Variants in ATCAY observed in about 807,000 individuals in gnomAD.
ATCAY encodes ATCAY kinesin light chain interacting caytaxin, also known as caytaxin.
In ATCAY, 22 loss-of-function variants were observed where a neutral mutation model predicts 47.7. The observed-to-expected ratio is 0.46, with a 90% CI of 0.33 to 0.66. The LOEUF (loss-of-function observed/expected upper bound fraction) is 0.66, where lower values mean the gene tolerates loss of function less well. ATCAY is among the 30% of genes least tolerant of loss of function. ATCAY has a pLI of 0.02. For synonymous variants in ATCAY, 216 were observed against 207.6 expected (o/e 1.04, Z -0.35); for missense variants, 452 against 515.0 (o/e 0.88, Z 1.18).
intron 9 of ATCAY, among the ~76,000 whole-genome samples, chr19:3,914,420 C>T (rs2038949791): frequency 6.6e-6 from 1 of 151,852 alleles, no homozygotes; most frequent in South Asian, 2.1e-4. Context: ...GCGAGAATAG[C>T]ACAGGAAAGA....
intron 8 of ATCAY, among the ~76,000 whole-genome samples, chr19:3,912,619 C>T (rs2038933263): frequency 6.6e-6 from 1 of 152,050 alleles, no homozygotes; most frequent in South Asian, 2.1e-4. Context: ...GTGACCCAGG[C>T]TTGTAATCCC....
intron 2 of ATCAY, among the ~76,000 whole-genome samples, chr19:3,886,083 T>A (rs1462604656): frequency 2.6e-5 from 4 of 152,170 alleles, no homozygotes; most frequent in Non-Finnish European, 5.9e-5. Context: ...TGCTCAATGA[T>A]TTAAGATTCA....
chr19:3,923,329 A>G (rs1025204610), intron 12 of ATCAY, among the ~76,000 whole-genome samples: 2 of 152,234 alleles, frequency 1.3e-5, no homozygotes, highest in African/African-American at 4.8e-5. Context: ...TCTTGCCTGG[A>G]GATCCTTAGG....
rs369421443 is a variant in ATCAY at position 3,902,483 on chromosome 19, G to A, written c.78-4G>A. The A allele has an allele frequency of 2.0e-5, 32 of 1,570,162 alleles. No homozygotes were observed. Among genetic ancestry groups the A allele is most frequent in the Middle Eastern group, 3.3e-4 (2 of 5,990 alleles). ...CTGATGCCTGTTCCTGGATGGGTCC[G>A]CAGGCCACTCCCAGAAGAGACGGGG... On this transcript the variant is annotated splice_polypyrimidine_tract_variant and splice_region_variant and intron_variant, in intron 2 of 12. Coordinates refer to ENST00000450849, the MANE Select transcript of ATCAY (RefSeq NM_033064.5).
intron 9 of ATCAY, among the ~76,000 whole-genome samples, chr19:3,915,555 CTTT>C (rs1264823704): frequency 2.4e-5 from 3 of 126,220 alleles, no homozygotes; most frequent in African/African-American, 5.8e-5. Flanking sequence ...CCAGACCTTT[CTTT>C]TTTTTTTTTT....
intron 8 of ATCAY, among the ~76,000 whole-genome samples, chr19:3,913,143 C>T (rs961764518): frequency 1.1e-4 from 17 of 151,894 alleles, no homozygotes; most frequent in African/African-American, 2.4e-4. Flanking sequence ...CAAAATTAGC[C>T]GAGAGTGGTG....
At chr19:3,903,325 C>T (rs2038830986) in intron 3 of ATCAY, among the ~76,000 whole-genome samples, 1 of 151,914 alleles carries the variant, frequency 6.6e-6, no homozygotes, top group Non-Finnish European at 1.5e-5. Flanking sequence ...GCTCTGAAGC[C>T]CCAGATCCCG....
intron 8 of ATCAY, 34 bp downstream of exon 8, chr19:3,910,923 G>A (rs2038917017): frequency 6.2e-7 from 1 of 1,607,152 alleles, no homozygotes; most frequent in African/African-American, 1.3e-5. Flanking sequence ...AAGTCCAGTG[G>A]CCTCAGTGTG....
chr19:3,917,353 G>C (rs917719965), intron 9 of ATCAY, among the ~76,000 whole-genome samples: 1 of 151,908 alleles, frequency 6.6e-6, no homozygotes, highest in African/African-American at 2.4e-5. Context: ...GGGAGGCCGA[G>C]GTGGGTGGAT....
At chr19:3,887,690 G>T (rs931851004) in intron 2 of ATCAY, among the ~76,000 whole-genome samples, 6 of 150,172 alleles carry the variant, frequency 4.0e-5, no homozygotes, top group South Asian at 2.1e-4. Flanking sequence ...GTTTCACCAT[G>T]TTAGCCAGGA....
At chr19:3,891,958 C>T (rs1215331059) in intron 2 of ATCAY, among the ~76,000 whole-genome samples, 1 of 152,020 alleles carries the variant, frequency 6.6e-6, no homozygotes, top group African/African-American at 2.4e-5. Context: ...GACGTGACCT[C>T]GGCTCGCTGC....
intron 12 of ATCAY, among the ~76,000 whole-genome samples, chr19:3,922,938 G>C (rs1417617789): frequency 6.6e-6 from 1 of 152,052 alleles, no homozygotes; most frequent in Non-Finnish European, 1.5e-5. Flanking sequence ...GTAGAGACGG[G>C]GTTTCACCAT....
chr19:3,906,180 A>AC (rs2038858916), intron 4 of ATCAY, among the ~76,000 whole-genome samples: 1 of 144,520 alleles, frequency 6.9e-6, no homozygotes, highest in African/African-American at 2.4e-5. Flanking sequence ...CAAAAAAAAA[A>AC]AAAAAGAGAG....
At position 3,882,162 on chromosome 19, in the gene ATCAY, G is replaced by T. The variant is rs137920025; in HGVS notation, c.-42+1154G>T. On this transcript the variant is annotated intron_variant, in intron 1 of 12. Coordinates refer to ENST00000450849, the MANE Select transcript of ATCAY (RefSeq NM_033064.5). ...TACTCCACAGAGAGGCAGCCTGGAT[G>T]CCATGAGAGTTGGGGGCCTTAGATG... 7.8e-3 allele frequency among the ~76,000 whole-genome samples: 1,184 copies of T among 152,152 alleles called. 14 individuals carry two copies. The highest frequency in any genetic ancestry group is 0.032 in the East Asian group (163 of 5,166).
intron 2 of ATCAY, among the ~76,000 whole-genome samples, chr19:3,894,908 T>C (rs1433978317): frequency 7.5e-6 from 1 of 132,460 alleles, no homozygotes; most frequent in Non-Finnish European, 1.5e-5. Flanking sequence ...ATGATTTCAC[T>C]ACTGTGCTCT....
Position 3,910,889 on chromosome 19 carries a change from G to A in ATCAY, c.866G>A (p.Ser289Asn). ...CTGGCCATCTCTCGCCCTTTCATCA[G>A]GTGAGACGGGGAGGCTGCAACCCAA... ...TVLAISRPFI[S>N]VKFINKIQYV... Residue 289 changes from serine (S) to asparagine (N), a missense_variant and splice_region_variant, in exon 8 of 13, where the codon AGC (serine) becomes AAC (asparagine). Coordinates refer to ENST00000450849, the MANE Select transcript of ATCAY (RefSeq NM_033064.5). 1 of 1,613,992 alleles carries A rather than the reference G, an allele frequency of 6.2e-7. No homozygotes were observed. The highest frequency in any genetic ancestry group is 2.2e-5 in the East Asian group (1 of 44,880).
chr19:3,881,503 A>C lies in ATCAY; in HGVS notation c.-42+495A>C, dbSNP rs979252534. On this transcript the variant is annotated intron_variant, in intron 1 of 12. Transcript: ENST00000450849. ...TCCTCCTTATTGGAACTCGTATGTG[A>C]TTTGTTAATAATCAGACATCAGGGC... Among the ~76,000 whole-genome samples the C allele has an allele frequency of 2.1e-4, 15 of 71,504 alleles. No homozygotes were observed. The South Asian group carries it at 4.4e-3, about 21-fold the overall frequency. 46.9% of individuals were successfully genotyped at this position (71,504 alleles called of 152,430 possible). A position where few individuals can be genotyped will look rare whatever the true frequency, so the allele number is the denominator to read the frequency against.
At chr19:3,887,760 A>G (rs1246553813) in intron 2 of ATCAY, among the ~76,000 whole-genome samples, 2 of 147,448 alleles carry the variant, frequency 1.4e-5, no homozygotes, top group Admixed American at 6.8e-5. Context: ...TGCTGGGATT[A>G]CAGGCGTGAG....
At chr19:3,905,790 G>A in intron 4 of ATCAY, 135 bp downstream of exon 4, 1 of 715,316 alleles carries the variant, frequency 1.4e-6, no homozygotes, top group Non-Finnish European at 2.3e-6. Context: ...AAACCCAGGA[G>A]ATCAAGACTG....
Sources: gnomAD v4.1 joint callset for allele counts (sites outside exome capture counted in the v4.1 genomes callset) on GRCh38, gnomAD v4.1.1 for gene constraint, MANE v1.5 for transcripts, NCBI Gene and HGNC (gene_info 2026-07-23, HGNC 2026-07-21) for gene names.